PDXDC1: variants seen among roughly 807,000 people sequenced by gnomAD.
PDXDC1 encodes the protein pyridoxal-dependent decarboxylase domain-containing protein 1.
PDXDC1 carries 42 observed loss-of-function variants against 100.1 expected under a neutral mutation model. That is an observed-to-expected ratio of 0.42 (90% CI 0.33 to 0.54). PDXDC1 has a LOEUF of 0.54. Ranked by LOEUF, PDXDC1 falls within the 20% of genes least tolerant of loss-of-function variation. PDXDC1 has a pLI of 0.10. For missense variants in PDXDC1, 636 were observed against 979.2 expected (o/e 0.65, Z 4.68); for synonymous variants, 260 against 371.7 (o/e 0.70, Z 3.46).
At chr16:15,065,673 T>C (rs1369180230) in intron 16 of PDXDC1, among the ~76,000 whole-genome samples, 2 of 152,198 alleles carry the variant, frequency 1.3e-5, no homozygotes, top group Non-Finnish European at 2.9e-5. Flanking sequence ...ATAGATACTA[T>C]TCATTAAAAA....
chr16:15,133,201 T>A (rs2966133), intron 16 of PDXDC1: 169 of 1,111,396 alleles, frequency 1.5e-4, no homozygotes, highest in African/African-American at 8.8e-4. Context: ...CAGGCAGGGG[T>A]ACAGGTCTTG....
chr16:15,090,350 G>A (rs1007695198), intron 16 of PDXDC1, among the ~76,000 whole-genome samples: 3 of 152,206 alleles, frequency 2.0e-5, no homozygotes, highest in African/African-American at 7.2e-5. Flanking sequence ...AAAAACAACA[G>A]ATGACAATTA....
chr16:15,148,030 C>A, the PDXDC1 span, among the ~76,000 whole-genome samples: 152 of 151,674 alleles, frequency 1.0e-3, no homozygotes, highest in Admixed American at 1.7e-3. Flanking sequence ...TCCTAGTCAC[C>A]CAGGCTGGAG....
chr16:15,030,922 T>C (rs532766623), intron 16 of PDXDC1, among the ~76,000 whole-genome samples: 1 of 151,874 alleles, frequency 6.6e-6, no homozygotes, highest in Admixed American at 6.6e-5. Context: ...CCCCAGAGAT[T>C]CTAGAATGGA....
chr16:15,055,997 CCAGGGAGGCG>C, intron 16 of PDXDC1: 1 of 1,188,934 alleles, frequency 8.4e-7, no homozygotes, highest in African/African-American at 1.6e-5. Context: ...CCAGGCAGGC[CCAGGGAGGCG>C]GCGGCCCCCC....
chr16:15,017,361 C>A lies in PDXDC1; in HGVS notation c.902C>A (p.Pro301Gln), dbSNP rs4985162. 1 of 1,518,990 alleles carries A rather than the reference C, an allele frequency of 6.6e-7. No homozygotes were observed. Among genetic ancestry groups the A allele is most frequent in the Admixed American group, 1.7e-5 (1 of 58,018 alleles). The allele number at this position is 1,518,990 out of a possible 1,614,324, so 94.1% of individuals were successfully genotyped here. A position where few individuals can be genotyped will look rare whatever the true frequency, so the allele number is the denominator to read the frequency against. The change falls in exon 11 of 23, where the codon CCG (proline) becomes CAG (glutamine). Residue 301 changes from proline to glutamine, a missense_variant. Around this residue, in one of 4 missense-constraint regions of PDXDC1, gnomAD observed 125 missense variants for 479.9 expected, o/e 0.26. Coordinates refer to ENST00000396410, the MANE Select transcript of PDXDC1 (RefSeq NM_015027.4). The stretch of plus-strand genomic sequence containing the variant: ...GATAGCATGACGATGACTCCTGGCC[C>A]GTGGCTGGGTTTGCCAGCTGTTCCT... ...KCDSMTMTPGPWLGLPAVPAV... is the reference protein window; with the variant it reads ...KCDSMTMTPGQWLGLPAVPAV...
At chr16:15,095,372 C>G (rs1201172903) in intron 16 of PDXDC1, among the ~76,000 whole-genome samples, 3 of 151,782 alleles carry the variant, frequency 2.0e-5, no homozygotes, top group Non-Finnish European at 4.4e-5. Flanking sequence ...CGGTGAAACT[C>G]CATCTCTACA....
intron 13 of PDXDC1, 50 bp from the exon 14 acceptor site, chr16:15,026,593 G>A (rs1272514654): frequency 6.8e-7 from 1 of 1,465,830 alleles, no homozygotes. Context: ...CATTTTGAAG[G>A]CGTCTGGAGT....
At chr16:15,075,794 T>C (rs779475572) in intron 16 of PDXDC1, among the ~76,000 whole-genome samples, 2 of 152,136 alleles carry the variant, frequency 1.3e-5, no homozygotes, top group Non-Finnish European at 2.9e-5. Context: ...TGGCGGGTGC[T>C]TTTGGTGCCG....
intron 16 of PDXDC1, among the ~76,000 whole-genome samples, chr16:15,123,235 A>T (rs1192162793): frequency 2.0e-5 from 3 of 150,462 alleles, no homozygotes; most frequent in African/African-American, 4.9e-5. Flanking sequence ...CCCCTCCCCC[A>T]TCTCAGTCCC....
intron 16 of PDXDC1, among the ~76,000 whole-genome samples, chr16:15,102,865 G>A (rs1308385312): frequency 2.0e-5 from 3 of 149,632 alleles, no homozygotes; most frequent in Non-Finnish European, 4.4e-5. Flanking sequence ...CTTGAGCCCG[G>A]AAGTTCAAGG....
intron 16 of PDXDC1, chr16:15,047,950 C>G: frequency 6.2e-7 from 1 of 1,605,946 alleles, no homozygotes; most frequent in East Asian, 2.2e-5. Context: ...AATAAAATAT[C>G]CAATAGCCTT....
At chr16:14,980,696 C>T (rs573895703) in intron 1 of PDXDC1, among the ~76,000 whole-genome samples, 4 of 152,392 alleles carry the variant, frequency 2.6e-5, no homozygotes, top group South Asian at 4.1e-4. Flanking sequence ...AGGATGGTCT[C>T]GATCTCCTGA....
At chr16:15,032,109 T>G in intron 17 of PDXDC1, 1 of 580,614 alleles carries the variant, frequency 1.7e-6, no homozygotes, top group Non-Finnish European at 3.1e-6. Flanking sequence ...GGGAGGGGAG[T>G]TGCTGAATGT....
chr16:15,013,359 G>GAA (rs779875897), intron 8 of PDXDC1, among the ~76,000 whole-genome samples: 28 of 136,930 alleles, frequency 2.0e-4, no homozygotes, highest in African/African-American at 5.5e-4. Context: ...AAAAAAAAAA[G>GAA]AAAAAAAAAA....
At chr16:14,975,831 A>C (rs187698323) in intron 1 of PDXDC1, among the ~76,000 whole-genome samples, 94 of 152,340 alleles carry the variant, frequency 6.2e-4, no homozygotes, top group Non-Finnish European at 1.1e-3. Flanking sequence ...CACGCAGGTG[A>C]TTCTGATGCT....
intron 16 of PDXDC1, among the ~76,000 whole-genome samples, chr16:15,083,943 C>T (rs954963768): frequency 2.0e-5 from 3 of 152,194 alleles, no homozygotes; most frequent in African/African-American, 2.4e-5. Flanking sequence ...CTCGAACTCC[C>T]GACCTCAGGT....
At chr16:15,117,535 A>G (rs1052566547) in intron 16 of PDXDC1, among the ~76,000 whole-genome samples, 4 of 151,502 alleles carry the variant, frequency 2.6e-5, no homozygotes, top group African/African-American at 9.7e-5. Context: ...TCTACTAAAA[A>G]TACACAAATT....
At chr16:15,045,527 C>G (rs1490240055) in intron 16 of PDXDC1, 1 of 151,754 alleles carries the variant, frequency 6.6e-6, no homozygotes, top group Non-Finnish European at 1.5e-5. Flanking sequence ...TTCCCAGCTA[C>G]GCGGGAGGCA....
Sources: allele counts gnomAD v4.1 joint callset (sites outside exome capture counted in the v4.1 genomes callset), GRCh38; gene constraint gnomAD v4.1.1; regional missense constraint gnomAD v4.1.1; transcripts MANE v1.5; gene names NCBI Gene and HGNC (gene_info 2026-07-23, HGNC 2026-07-21).